PTPRT: variants seen among roughly 807,000 people sequenced by gnomAD.
The protein encoded by PTPRT is protein tyrosine phosphatase receptor type T.
Under a neutral mutation model 176.8 loss-of-function variants are expected in PTPRT, and 56 were observed. The observed-to-expected ratio is 0.32, with a 90% CI of 0.26 to 0.40. PTPRT has a LOEUF of 0.40. Ranked by LOEUF, PTPRT falls within the 10% of genes least tolerant of loss-of-function variation. The pLI, the probability that PTPRT is intolerant of heterozygous loss-of-function variation, is 1.00. For synonymous variants in PTPRT, 783 were observed against 739.0 expected, an observed-to-expected ratio of 1.06 and a Z score of -0.96; for missense variants, 1,540 against 1,908.2, an observed-to-expected ratio of 0.81 and a Z score of 3.60.
At chr20:42,454,604 T>C (rs1333466604) in intron 8 of PTPRT, among the ~76,000 whole-genome samples, 1 of 152,260 alleles carries the variant, frequency 6.6e-6, no homozygotes, top group Non-Finnish European at 1.5e-5. Flanking sequence ...TTTTAATGTT[T>C]GTTGGATATT....
At chr20:43,187,947 C>A (rs912162431) in intron 1 of PTPRT, among the ~76,000 whole-genome samples, 1 of 152,222 alleles carries the variant, frequency 6.6e-6, no homozygotes. Flanking sequence ...GCATCCGGAA[C>A]GGGCGGCGTT....
chr20:42,122,515 C>G (rs549858785), intron 19 of PTPRT, among the ~76,000 whole-genome samples: 38 of 152,284 alleles, frequency 2.5e-4, no homozygotes, highest in African/African-American at 9.1e-4. Flanking sequence ...GAATTAAACC[C>G]AAGGGTTGTC....
intron 1 of PTPRT, among the ~76,000 whole-genome samples, chr20:42,928,447 G>A (rs1979624681): frequency 6.6e-6 from 1 of 152,218 alleles, no homozygotes; most frequent in Non-Finnish European, 1.5e-5. Flanking sequence ...TTGAAATGCA[G>A]TAAGAGGAGG....
At chr20:42,845,257 C>T (rs1029056856) in intron 2 of PTPRT, among the ~76,000 whole-genome samples, 4 of 149,352 alleles carry the variant, frequency 2.7e-5, no homozygotes, top group Non-Finnish European at 5.9e-5. Context: ...CTGGGGAAAG[C>T]TAAAGGGCTG....
chr20:42,742,850 G>A (rs6093728), intron 6 of PTPRT, among the ~76,000 whole-genome samples: 55,452 of 151,992 alleles, frequency 0.36, 11,266 homozygotes, highest in Middle Eastern at 0.49. Flanking sequence ...GCTCAGTCAC[G>A]TGCAGAGTTG....
intron 7 of PTPRT, among the ~76,000 whole-genome samples, chr20:42,617,923 T>C (rs1296980457): frequency 1.4e-5 from 2 of 138,546 alleles, no homozygotes; most frequent in East Asian, 3.9e-4. Flanking sequence ...GAAGGGTTTT[T>C]TGTATCTCTA....
the PTPRT span, among the ~76,000 whole-genome samples, chr20:42,041,014 T>C: frequency 6.6e-6 from 1 of 152,280 alleles, no homozygotes; most frequent in Non-Finnish European, 1.5e-5. Flanking sequence ...TGGTCAGCCT[T>C]TTGGTGTTGG....
At chr20:42,692,928 T>C (rs557227753) in intron 6 of PTPRT, among the ~76,000 whole-genome samples, 1 of 152,252 alleles carries the variant, frequency 6.6e-6, no homozygotes, top group South Asian at 2.1e-4. Flanking sequence ...GGAAGAAACA[T>C]GATGAAACTA....
intron 15 of PTPRT, among the ~76,000 whole-genome samples, chr20:42,215,579 C>T (rs1197037266): frequency 2.1e-5 from 3 of 140,452 alleles, no homozygotes; most frequent in Non-Finnish European, 4.8e-5. Context: ...ACTAATCTTT[C>T]CTCCCTGTAG....
At chr20:42,283,639 G>T (rs1465721863) in intron 12 of PTPRT, among the ~76,000 whole-genome samples, 3 of 151,932 alleles carry the variant, frequency 2.0e-5, no homozygotes, top group African/African-American at 7.2e-5. Flanking sequence ...GATCATAGCT[G>T]GTATGTCCAT....
intron 2 of PTPRT, among the ~76,000 whole-genome samples, chr20:42,808,905 G>A (rs2077654252): frequency 6.6e-6 from 1 of 152,174 alleles, no homozygotes; most frequent in Admixed American, 6.5e-5. Flanking sequence ...CACCCCTGCA[G>A]GGGCTCTCAG....
At chr20:42,424,724 A>G (rs148055336) in intron 9 of PTPRT, among the ~76,000 whole-genome samples, 1 of 151,882 alleles carries the variant, frequency 6.6e-6, no homozygotes, top group Non-Finnish European at 1.5e-5. Flanking sequence ...AGACTTTGCC[A>G]TAGCAGCCAT....
In PTPRT at chr20:42,677,999, G is replaced by A. The variant is rs765941600; in HGVS notation, c.1020C>T (p.Val340=). 8 of 1,614,140 alleles carry A rather than the reference G, an allele frequency of 5.0e-6. No homozygotes were observed. The highest frequency in any genetic ancestry group is 1.7e-4 in the Middle Eastern group (1 of 6,060). Residue 340 remains valine, a synonymous_variant, in exon 7 of 31, where the codon GTC becomes GTT. Coordinates refer to ENST00000373187, the MANE Select transcript of PTPRT (RefSeq NM_007050.6). ...TTGTWAETHI[V]DSPNYKLWHL... is the part of the protein sequence containing the mutation. ...GCCACAGCTTATAGTTGGGAGAGTC[G>A]ACTATGTGGGTCTCTGCCCACGTGC...
chr20:42,907,648 TGA>T (rs2079495573), intron 1 of PTPRT, among the ~76,000 whole-genome samples: 1 of 152,056 alleles, frequency 6.6e-6, no homozygotes, highest in African/African-American at 2.4e-5. Flanking sequence ...GGCCGTGGCG[TGA>T]GAGAGCTACA....
intron 7 of PTPRT, among the ~76,000 whole-genome samples, chr20:42,555,819 C>T (rs2072851488): frequency 1.3e-5 from 2 of 152,158 alleles, no homozygotes; most frequent in Admixed American, 1.3e-4. Flanking sequence ...AAGGGCTGGT[C>T]CTCCCACCTG....
intron 7 of PTPRT, among the ~76,000 whole-genome samples, chr20:42,553,481 C>A (rs1414007693): frequency 1.3e-5 from 2 of 151,952 alleles, no homozygotes; most frequent in Non-Finnish European, 2.9e-5. Flanking sequence ...TTTCTCCTTT[C>A]CCCCAACACT....
At position 42,159,636 on chromosome 20, in the gene PTPRT, A is replaced by C. The variant is rs541805295; in HGVS notation, c.2682+1716T>G. 1.5e-4 allele frequency among the ~76,000 whole-genome samples: 23 copies of C among 152,244 alleles called. No individual in the cohort carries two copies. The South Asian group carries it at 4.8e-3, about 32-fold the overall frequency. On this transcript the variant is annotated intron_variant, in intron 17 of 30. Coordinates refer to ENST00000373187, the MANE Select transcript of PTPRT (RefSeq NM_007050.6). The stretch of plus-strand genomic sequence containing the variant: ...TCAACTCTAATTCGAATATCCTTTC[A>C]AGATTTGTAGATGAGAATATGAAAA...
At chr20:42,931,257 T>G (rs1407624482) in intron 1 of PTPRT, among the ~76,000 whole-genome samples, 4 of 152,116 alleles carry the variant, frequency 2.6e-5, no homozygotes, top group Non-Finnish European at 5.9e-5. Flanking sequence ...AAGGGTGGGG[T>G]CCTAATCCAA....
intron 1 of PTPRT, among the ~76,000 whole-genome samples, chr20:43,039,047 T>C (rs961690563): frequency 4.6e-5 from 7 of 152,140 alleles, no homozygotes; most frequent in Non-Finnish European, 1.0e-4. Context: ...CCAACCAAAG[T>C]TCAAACAAGA....
Sources: allele counts gnomAD v4.1 joint callset (sites outside exome capture counted in the v4.1 genomes callset), GRCh38; gene constraint gnomAD v4.1.1; transcripts MANE v1.5; gene names NCBI Gene and HGNC (gene_info 2026-07-23, HGNC 2026-07-21).